The following KCNQ1 variants were observed in gnomAD, a reference collection of about 807,000 sequenced individuals.
KCNQ1 encodes potassium voltage-gated channel subfamily KQT member 1.
Under a neutral mutation model 72.4 loss-of-function variants are expected in KCNQ1, and 49 were observed. The ratio of observed to expected loss-of-function variants is 0.68; its 90% CI spans 0.54 to 0.86. KCNQ1 has a LOEUF of 0.86. KCNQ1 is among the 40% of genes least tolerant of loss of function. The pLI, the probability that KCNQ1 is intolerant of heterozygous loss-of-function variation, is 0.00. For missense variants in KCNQ1, 790 were observed against 945.1 expected (o/e 0.84, Z 2.15); for synonymous variants, 450 against 412.6 (o/e 1.09, Z -1.10).
At chr11:2,845,871 C>T (rs1039990815) in intron 15 of KCNQ1, among the ~76,000 whole-genome samples, 1 of 152,184 alleles carries the variant, frequency 6.6e-6, no homozygotes, top group South Asian at 2.1e-4. Context: ...CTCAGCCTCT[C>T]ACAGCACCCT....
chr11:2,690,324 T>C lies in KCNQ1; in HGVS notation c.1514+28243T>C. 2.5e-6 allele frequency: 1 copy of C among 398,706 alleles called. No homozygotes were observed. The highest frequency in any genetic ancestry group is 4.4e-6 in the Non-Finnish European group (1 of 226,096). The allele number at this position is 398,706 out of a possible 1,614,324, so 24.7% of individuals were successfully genotyped here. On this transcript the variant is annotated intron_variant, in intron 11 of 15. Transcript: ENST00000155840. The surrounding 1 kb of genome is among the most constrained non-coding windows in gnomAD (Gnocchi z 5.1). ...TAGGATTGTCACAAGGATTAAATGA[T>C]GTCAAGTCTGAGGCTGCCCTGCAGC...
At position 2,583,515 on chromosome 11, in the gene KCNQ1, CTT is replaced by C. The variant is rs1554894469; in HGVS notation, c.1004_1005del (p.Phe335CysfsTer127). ...AGACCATCGCCTCCTGCTTCTCTGTCTTTGCCATCTCCTTCTTTGCGCTCCCA... is the reference window on the plus strand; with the variant it reads ...AGACCATCGCCTCCTGCTTCTCTGTCTGCCATCTCCTTCTTTGCGCTCCCA... ...GKTIASCFSV[F>X]AISFFALPAG... On this transcript the variant is annotated frameshift_variant, in exon 7 of 16. Coordinates refer to ENST00000155840, the MANE Select transcript of KCNQ1 (RefSeq NM_000218.3). LOFTEE classifies it high-confidence loss of function. 6 of 1,613,946 alleles carry C rather than the reference CTT, an allele frequency of 3.7e-6. No individual in the cohort carries two copies. Among genetic ancestry groups the C allele is most frequent in the Non-Finnish European group, 4.2e-6 (5 of 1,179,836 alleles).
chr11:2,448,521 T>C (rs1246683731), intron 1 of KCNQ1, among the ~76,000 whole-genome samples: 2 of 152,192 alleles, frequency 1.3e-5, no homozygotes, highest in African/African-American at 2.4e-5. Flanking sequence ...TCCAGTGCCC[T>C]CCTATCTCCA....
rs1380521522 is a variant in KCNQ1 at position 2,508,223 on chromosome 11, A to G, written c.387-19705A>G. ...GCATGTTTGAGGTACCACAACCTCC[A>G]CCAACCCATGGTGGTCACCAAGGGT... On this transcript the variant is annotated intron_variant, in intron 1 of 15. Coordinates refer to ENST00000155840, the MANE Select transcript of KCNQ1 (RefSeq NM_000218.3). The surrounding 1 kb of genome is among the most constrained non-coding windows in gnomAD (Gnocchi z 6.2). 6.6e-6 allele frequency among the ~76,000 whole-genome samples: 1 copy of G among 152,206 alleles called. No homozygotes were observed. The highest frequency in any genetic ancestry group is 1.5e-5 in the Non-Finnish European group (1 of 68,040).
rs1490786693 is a variant in KCNQ1 at position 2,661,807 on chromosome 11, C to G, written c.1394-154C>G. On this transcript the variant is annotated intron_variant, in intron 10 of 15. Transcript: ENST00000155840. This position sits in a 1 kb window ranked among gnomAD's most constrained non-coding sequence, Gnocchi z 5.9. ...GGGGCCATCTTAAACACCCACCCAC[C>G]CCAACACCCAACTATAAAACTGATT... 2.2e-6 allele frequency: 2 copies of G among 908,734 alleles called. No homozygotes were observed. Among genetic ancestry groups the G allele is most frequent in the Non-Finnish European group, 3.5e-6 (2 of 575,940 alleles). The allele number at this position is 908,734 out of a possible 1,614,324, so 56.3% of individuals were successfully genotyped here. A position where few individuals can be genotyped will look rare whatever the true frequency, so the allele number is the denominator to read the frequency against.
intron 15 of KCNQ1, among the ~76,000 whole-genome samples, chr11:2,789,232 C>T (rs1233826610): frequency 6.6e-6 from 1 of 152,036 alleles, no homozygotes; most frequent in Non-Finnish European, 1.5e-5. Flanking sequence ...CCTGTGCTGG[C>T]ATGGGTGCGG....
At chr11:2,680,172 G>A (rs890576911) in intron 11 of KCNQ1, 17 of 394,674 alleles carry the variant, frequency 4.3e-5, no homozygotes, top group Non-Finnish European at 6.2e-5. Context: ...GATTACGGGC[G>A]TGAGCCAATG....
rs982748764 is a variant in KCNQ1 at position 2,567,546 on chromosome 11, G to A, written c.478-3082G>A. Reference sequence around the variant, plus strand: ...AGGAGAGCGTTTGAGGCTGATGGTGGTGGAGATAGTTTTATCTCTGAGCAA... The same window carrying A: ...AGGAGAGCGTTTGAGGCTGATGGTGATGGAGATAGTTTTATCTCTGAGCAA... On this transcript the variant is annotated intron_variant, in intron 2 of 15. Coordinates refer to ENST00000155840, the MANE Select transcript of KCNQ1 (RefSeq NM_000218.3). The surrounding 1 kb of genome is among the most constrained non-coding windows in gnomAD (Gnocchi z 6.6). 2.0e-5 allele frequency among the ~76,000 whole-genome samples: 3 copies of A among 152,204 alleles called. No individual in the cohort carries two copies. Among genetic ancestry groups the A allele is most frequent in the Non-Finnish European group, 2.9e-5 (2 of 68,032 alleles).
intron 15 of KCNQ1, among the ~76,000 whole-genome samples, chr11:2,842,818 C>G (rs1564914086): frequency 6.6e-6 from 1 of 152,224 alleles, no homozygotes; most frequent in Non-Finnish European, 1.5e-5. Flanking sequence ...GAGCACCATG[C>G]TCTGTCCCTG....
chr11:2,475,670 C>T lies in KCNQ1; in HGVS notation c.386+30186C>T, dbSNP rs529049817. On this transcript the variant is annotated intron_variant, in intron 1 of 15. Coordinates refer to ENST00000155840, the MANE Select transcript of KCNQ1 (RefSeq NM_000218.3). This position sits in a 1 kb window ranked among gnomAD's most constrained non-coding sequence, Gnocchi z 5.8. ...GACAGTGACGTGGTTTGTCACTGCC[C>T]GGATCTCATCTTGAATTCCCTGTGT... is the stretch of plus-strand genomic sequence containing the variant. Among the ~76,000 whole-genome samples, 3 of 152,212 alleles carry T rather than the reference C, an allele frequency of 2.0e-5. No individual in the cohort carries two copies. The highest frequency in any genetic ancestry group is 4.8e-5 in the African/African-American group (2 of 41,518).
rs933908522 is a variant in KCNQ1, at chr11:2,715,505, G to C, written c.1515-53339G>C. ...CATGTGTGAAGGCCCAGGGGGAAGA[G>C]AGCAGCCAGGTAGACTTCGTTTCCA... On this transcript the variant is annotated intron_variant, in intron 11 of 15. Coordinates refer to ENST00000155840, the MANE Select transcript of KCNQ1 (RefSeq NM_000218.3). The surrounding 1 kb of genome is among the most constrained non-coding windows in gnomAD (Gnocchi z 4.9). Among the ~76,000 whole-genome samples the C allele has an allele frequency of 4.6e-5, 7 of 152,100 alleles. No homozygotes were observed. The highest frequency in any genetic ancestry group is 7.4e-5 in the Non-Finnish European group (5 of 67,990).
rs1307415710 is a variant in KCNQ1, at chr11:2,663,808, T to A, written c.1514+1727T>A. The A allele has an allele frequency of 3.0e-5, 12 of 398,472 alleles. No homozygotes were observed. The highest frequency in any genetic ancestry group is 4.4e-5 in the Non-Finnish European group (10 of 226,110). 24.7% of individuals were successfully genotyped at this position (398,472 alleles called of 1,614,324 possible). On this transcript the variant is annotated intron_variant, in intron 11 of 15. Transcript: ENST00000155840. The surrounding 1 kb of genome is among the most constrained non-coding windows in gnomAD (Gnocchi z 5.2). Reference sequence around the variant, plus strand: ...GCCCAGTAAATCACCACTATGGGGGTGAGGGCTGCCAGTGCTGGTATCAGC... The same window carrying A: ...GCCCAGTAAATCACCACTATGGGGGAGAGGGCTGCCAGTGCTGGTATCAGC...
intron 2 of KCNQ1, among the ~76,000 whole-genome samples, chr11:2,546,583 C>T (rs553008807): frequency 2.1e-4 from 32 of 152,118 alleles, no homozygotes; most frequent in Middle Eastern, 3.4e-3. Flanking sequence ...GTGGATTTCT[C>T]TCTTTATTCT....
rs951489889 is a variant in KCNQ1 at position 2,824,524 on chromosome 11, T to A, written c.1795-23243T>A. Among the ~76,000 whole-genome samples, 3 of 152,094 alleles carry A rather than the reference T, an allele frequency of 2.0e-5. No individual in the cohort carries two copies. Among genetic ancestry groups the A allele is most frequent in the Non-Finnish European group, 2.9e-5 (2 of 68,020 alleles). On this transcript the variant is annotated intron_variant, in intron 15 of 15. Coordinates refer to ENST00000155840, the MANE Select transcript of KCNQ1 (RefSeq NM_000218.3). This position sits in a 1 kb window ranked among gnomAD's most constrained non-coding sequence, Gnocchi z 5.9. ...ACGTGGAGGTGTTTGCCCGGCAGTT[T>A]AGGCTGCAAGGCTCAGCAGGGAGAT...
chr11:2,649,261 CT>C (rs1849720432), intron 10 of KCNQ1: 2 of 398,142 alleles, frequency 5.0e-6, no homozygotes, highest in Non-Finnish European at 8.9e-6. Context: ...TTATTGTTTT[CT>C]GACTGATTTG....
At position 2,645,375 on chromosome 11, in the gene KCNQ1, A is replaced by G. The variant is rs1215951999; in HGVS notation, c.1394-16586A>G. The G allele has an allele frequency of 7.5e-6, 3 of 398,662 alleles. No homozygotes were observed. The highest frequency in any genetic ancestry group is 1.3e-5 in the Non-Finnish European group (3 of 226,252). The allele number at this position is 398,662 out of a possible 1,614,324, so 24.7% of individuals were successfully genotyped here. A position where few individuals can be genotyped will look rare whatever the true frequency, so the allele number is the denominator to read the frequency against. Reference sequence around the variant, plus strand: ...TGGTATGCGCTGGCACTGGGAGAAAAGAGGGTGGGACCAGGCCAGGTGGGC... The same window carrying G: ...TGGTATGCGCTGGCACTGGGAGAAAGGAGGGTGGGACCAGGCCAGGTGGGC... On this transcript the variant is annotated intron_variant, in intron 10 of 15. Coordinates refer to ENST00000155840, the MANE Select transcript of KCNQ1 (RefSeq NM_000218.3). The surrounding 1 kb of genome is among the most constrained non-coding windows in gnomAD (Gnocchi z 5.8).
rs1002827728 is a variant in KCNQ1, at chr11:2,711,442, G to A, written c.1514+49361G>A. ...GTTCTCTCTCCTCCCTTTTCTGTGA[G>A]CCGTCATGAAACACCTCCTGTGGGC... is the stretch of plus-strand genomic sequence containing the variant. On this transcript the variant is annotated intron_variant, in intron 11 of 15. Coordinates refer to ENST00000155840, the MANE Select transcript of KCNQ1 (RefSeq NM_000218.3). The surrounding 1 kb of genome is among the most constrained non-coding windows in gnomAD (Gnocchi z 5.4). Among the ~76,000 whole-genome samples the A allele has an allele frequency of 3.9e-5, 6 of 152,146 alleles. No individual in the cohort carries two copies. Among genetic ancestry groups the A allele is most frequent in the African/African-American group, 1.4e-4 (6 of 41,432 alleles).
At chr11:2,649,050 T>C (rs1427717881) in intron 10 of KCNQ1, 1 of 396,898 alleles carries the variant, frequency 2.5e-6, no homozygotes, top group African/African-American at 2.1e-5. Flanking sequence ...TTTTGGTGTC[T>C]GTTTGTGTGG....
rs759218259 is a variant in KCNQ1 at position 2,710,853 on chromosome 11, A to G, written c.1514+48772A>G. ...TGATTTGTTTGTCTATCCTTATGCC[A>G]GTACTATATCGTCTTGATTGTTATA... On this transcript the variant is annotated intron_variant, in intron 11 of 15. Transcript: ENST00000155840. This position sits in a 1 kb window ranked among gnomAD's most constrained non-coding sequence, Gnocchi z 4.1. Among the ~76,000 whole-genome samples, 4 of 152,260 alleles carry G rather than the reference A, an allele frequency of 2.6e-5. No individual in the cohort carries two copies. Among genetic ancestry groups the G allele is most frequent in the Non-Finnish European group, 2.9e-5 (2 of 68,046 alleles).
Sources: allele counts gnomAD v4.1 joint callset (sites outside exome capture counted in the v4.1 genomes callset), GRCh38; gene constraint gnomAD v4.1.1; non-coding constraint Gnocchi (gnomAD v3.1); transcripts MANE v1.5; gene names NCBI Gene and HGNC (gene_info 2026-07-23, HGNC 2026-07-21).